The following ACER3 variants were observed in gnomAD, a reference collection of about 807,000 sequenced individuals.
The protein encoded by ACER3 is alkaline ceramidase 3.
ACER3 carries 16 observed loss-of-function variants against 48.9 expected under a neutral mutation model. The observed-to-expected ratio is 0.33, with a 90% CI of 0.22 to 0.50. ACER3 has a LOEUF of 0.50. Among genes scored for constraint, ACER3 ranks in the 20% least tolerant of loss-of-function variants. The probability of loss-of-function intolerance (pLI) is 0.98; values close to 1 mark genes in which losing one functional copy is unlikely to be tolerated. For synonymous variants in ACER3, 109 were observed against 107.8 expected (o/e 1.01, Z -0.07); for missense variants, 227 against 326.0 (o/e 0.70, Z 2.34).
At chr11:77,010,735 A>G (rs781900655) in intron 7 of ACER3, among the ~76,000 whole-genome samples, 2 of 152,218 alleles carry the variant, frequency 1.3e-5, no homozygotes, top group South Asian at 2.1e-4. Flanking sequence ...CCAGAAGTAT[A>G]TAAGTTGAGA....
chr11:76,899,782 C>T (rs1471769100), intron 1 of ACER3, among the ~76,000 whole-genome samples: 2 of 152,116 alleles, frequency 1.3e-5, no homozygotes, highest in Non-Finnish European at 2.9e-5. Context: ...CTAGGCACAC[C>T]ATGTTCTTTC....
At chr11:76,974,676 T>A (rs568283360) in intron 3 of ACER3, among the ~76,000 whole-genome samples, 1 of 152,162 alleles carries the variant, frequency 6.6e-6, no homozygotes, top group Non-Finnish European at 1.5e-5. Context: ...AAAGGTCCTG[T>A]GGTAGGAAAG....
chr11:76,976,175 C>A, intron 3 of ACER3, 114 bp from the exon 4 acceptor site: 1 of 806,134 alleles, frequency 1.2e-6, no homozygotes, highest in African/African-American at 1.7e-5. Flanking sequence ...GTGTGAGCCT[C>A]TGTGCCTGGT....
intron 6 of ACER3, among the ~76,000 whole-genome samples, chr11:76,991,319 C>G (rs985235982): frequency 1.3e-5 from 2 of 152,178 alleles, no homozygotes; most frequent in Non-Finnish European, 2.9e-5. Flanking sequence ...AATAAGCACG[C>G]TTTTCAGAAG....
chr11:76,986,273 T>C (rs1241354485), intron 5 of ACER3, among the ~76,000 whole-genome samples: 1 of 152,206 alleles, frequency 6.6e-6, no homozygotes. Flanking sequence ...GAGGAGCTCA[T>C]TCTGTTAGAG....
chr11:76,985,459 G>A (rs1001199677), intron 4 of ACER3, among the ~76,000 whole-genome samples, 184 bp from the exon 5 acceptor site: 4 of 152,128 alleles, frequency 2.6e-5, no homozygotes, highest in African/African-American at 9.7e-5. Context: ...TTTAAGTCAC[G>A]TGTCTACTCC....
chr11:76,936,114 T>C (rs1301022908), intron 2 of ACER3, among the ~76,000 whole-genome samples: 2 of 152,220 alleles, frequency 1.3e-5, no homozygotes, highest in Admixed American at 6.5e-5. Context: ...TGGGGAATCA[T>C]GGCCTTACAA....
intron 3 of ACER3, among the ~76,000 whole-genome samples, chr11:76,974,570 G>A (rs61900119): frequency 0.4 from 60,542 of 151,986 alleles, 14,763 homozygotes; most frequent in Non-Finnish European, 0.56. Flanking sequence ...TGAAGAAGTG[G>A]CATATACAGT....
chr11:76,957,068 TTTCCTTCACAAGTG>T (rs1294048520), intron 2 of ACER3, among the ~76,000 whole-genome samples: 1 of 152,210 alleles, frequency 6.6e-6, no homozygotes, highest in African/African-American at 2.4e-5. Flanking sequence ...CATTCTTGGA[TTTCCTTCACAAGTG>T]TTCCTTCTCT....
At chr11:76,982,867 A>C (rs772313758) in intron 4 of ACER3, among the ~76,000 whole-genome samples, 1 of 152,128 alleles carries the variant, frequency 6.6e-6, no homozygotes, top group Non-Finnish European at 1.5e-5. Flanking sequence ...ACCAGTATCT[A>C]GTTGTTCCAG....
intron 5 of ACER3, among the ~76,000 whole-genome samples, chr11:76,987,846 G>A (rs955568994): frequency 6.6e-6 from 1 of 152,206 alleles, no homozygotes; most frequent in Non-Finnish European, 1.5e-5. Flanking sequence ...AAGCTGAGGT[G>A]AGAGGATTGC....
intron 4 of ACER3, among the ~76,000 whole-genome samples, chr11:76,979,766 G>A (rs1948538869): frequency 6.6e-6 from 1 of 152,068 alleles, no homozygotes; most frequent in Admixed American, 6.6e-5. Flanking sequence ...CTTCAACTCT[G>A]CTATTGTAGC....
intron 2 of ACER3, among the ~76,000 whole-genome samples, chr11:76,935,441 T>G (rs1175104384): frequency 6.6e-6 from 1 of 152,212 alleles, no homozygotes; most frequent in Non-Finnish European, 1.5e-5. Flanking sequence ...AGATAGAGCC[T>G]AGTAAAACTA....
chr11:76,953,865 A>G (rs1453173695), intron 2 of ACER3, among the ~76,000 whole-genome samples: 2 of 151,966 alleles, frequency 1.3e-5, no homozygotes, highest in Non-Finnish European at 2.9e-5. Flanking sequence ...TCCTATGTGT[A>G]TGTGTCATTT....
intron 3 of ACER3, among the ~76,000 whole-genome samples, chr11:76,968,438 ATTACT>A (rs1027283736): frequency 2.3e-4 from 35 of 152,348 alleles, no homozygotes; most frequent in African/African-American, 7.9e-4. Flanking sequence ...ATTGGAAAAA[ATTACT>A]TTAAAGTCCA....
At chr11:76,880,201 A>C (rs1307296476) in intron 1 of ACER3, among the ~76,000 whole-genome samples, 2 of 151,946 alleles carry the variant, frequency 1.3e-5, no homozygotes, top group South Asian at 4.1e-4. Context: ...ATTTTTATTT[A>C]ACGTATTCCT....
intron 1 of ACER3, among the ~76,000 whole-genome samples, chr11:76,925,480 A>C (rs1015352212): frequency 2.6e-5 from 4 of 152,170 alleles, no homozygotes; most frequent in African/African-American, 9.6e-5. Context: ...TTTTTTCCCC[A>C]AAATTTTTTA....
At position 76,976,167 on chromosome 11, in the gene ACER3, G is replaced by A. The variant is rs1022779546; in HGVS notation, c.268-122G>A. On this transcript the variant is annotated intron_variant, in intron 3 of 10. Coordinates refer to ENST00000532485, the MANE Select transcript of ACER3 (RefSeq NM_018367.7). ...CTCCCAGAGTGCTGGGATTACAGGT[G>A]TGAGCCTCTGTGCCTGGTCTAAGAG... 5 of 743,976 alleles carry A rather than the reference G, an allele frequency of 6.7e-6. No individual in the cohort carries two copies. The Admixed American group carries it at 7.7e-5, about 11-fold the overall frequency. The allele number at this position is 743,976 out of a possible 1,614,324, so 46.1% of individuals were successfully genotyped here.
At chr11:76,933,052 A>AGATGCG (rs910583496) in intron 2 of ACER3, among the ~76,000 whole-genome samples, 3 of 151,896 alleles carry the variant, frequency 2.0e-5, no homozygotes, top group Admixed American at 2.0e-4. Context: ...TGCCCTTTGG[A>AGATGCG]GATGCGTTAG....
Sources: gnomAD v4.1 joint callset for allele counts (sites outside exome capture counted in the v4.1 genomes callset) on GRCh38, gnomAD v4.1.1 for gene constraint, MANE v1.5 for transcripts, NCBI Gene and HGNC (gene_info 2026-07-23, HGNC 2026-07-21) for gene names.